The following CHODL variants were observed in gnomAD, a reference collection of about 807,000 sequenced individuals.
The protein encoded by CHODL is chondrolectin.
CHODL carries 29 observed loss-of-function variants against 34.5 expected under a neutral mutation model. The ratio of observed to expected loss-of-function variants is 0.84; its 90% CI spans 0.63 to 1.15. CHODL has a LOEUF of 1.15. Among genes scored for constraint, CHODL ranks in the 50% most tolerant of loss-of-function variants. The probability of loss-of-function intolerance (pLI) is 0.00; values close to 1 mark genes in which losing one functional copy is unlikely to be tolerated. For synonymous variants in CHODL, 125 were observed against 116.1 expected (o/e 1.08, Z -0.49); for missense variants, 332 against 332.5 (o/e 1.00, Z 0.01).
At chr21:17,947,931 G>C (rs544840143) in intron 1 of CHODL, among the ~76,000 whole-genome samples, 1 of 152,226 alleles carries the variant, frequency 6.6e-6, no homozygotes, top group South Asian at 2.1e-4. Flanking sequence ...ATTGGATAAA[G>C]AAAATGTGGC....
chr21:18,016,490 A>C (rs894220106), intron 1 of CHODL, among the ~76,000 whole-genome samples: 3 of 152,206 alleles, frequency 2.0e-5, no homozygotes, highest in Admixed American at 6.5e-5. Context: ...ATGGGCCAGG[A>C]CCAGGCCCAA....
At chr21:18,190,634 G>A (rs2146690714) in intron 2 of CHODL, among the ~76,000 whole-genome samples, 1 of 152,284 alleles carries the variant, frequency 6.6e-6, no homozygotes, top group Admixed American at 6.5e-5. Flanking sequence ...CCCACTAATG[G>A]TAGTGTGTAC....
intron 2 of CHODL, among the ~76,000 whole-genome samples, chr21:18,104,121 C>T (rs1051400428): frequency 6.6e-6 from 1 of 152,158 alleles, no homozygotes; most frequent in Non-Finnish European, 1.5e-5. Context: ...AGGTGGGAAA[C>T]ACTGAAGTAA....
At chr21:18,214,437 G>A (rs921074508) in intron 2 of CHODL, among the ~76,000 whole-genome samples, 1 of 151,970 alleles carries the variant, frequency 6.6e-6, no homozygotes, top group Admixed American at 6.6e-5. Context: ...AGCACCTAGC[G>A]AAATTCTTCC....
chr21:18,251,458 TTTTA>T (rs1219768391), intron 1 of CHODL, among the ~76,000 whole-genome samples: 5 of 113,366 alleles, frequency 4.4e-5, no homozygotes, highest in African/African-American at 2.1e-4. Context: ...TACATATTTA[TTTTA>T]TTTATTTTAA....
chr21:18,152,426 G>A (rs549437149), intron 2 of CHODL, among the ~76,000 whole-genome samples: 4 of 152,252 alleles, frequency 2.6e-5, no homozygotes, highest in African/African-American at 9.6e-5. Context: ...AGGACCTCAC[G>A]AGGCTCAACT....
chr21:18,230,421 T>C (rs1463321562), intron 2 of CHODL, among the ~76,000 whole-genome samples: 1 of 152,128 alleles, frequency 6.6e-6, no homozygotes, highest in East Asian at 1.9e-4. Flanking sequence ...TGTTGTGAAA[T>C]TGTGATTTTT....
intron 2 of CHODL, among the ~76,000 whole-genome samples, chr21:18,163,094 T>C (rs905133069): frequency 6.6e-6 from 1 of 152,234 alleles, no homozygotes; most frequent in African/African-American, 2.4e-5. Context: ...CTAGAGTGTT[T>C]ACAGTTTGGG....
chr21:18,003,982 G>A (rs2063936077), intron 1 of CHODL, among the ~76,000 whole-genome samples: 1 of 152,148 alleles, frequency 6.6e-6, no homozygotes, highest in African/African-American at 2.4e-5. Flanking sequence ...GTAGGAAAAG[G>A]CAAAAACAAG....
intron 2 of CHODL, among the ~76,000 whole-genome samples, chr21:18,129,884 G>C (rs1225882519): frequency 7.9e-5 from 10 of 127,088 alleles, no homozygotes; most frequent in Non-Finnish European, 1.5e-4. Context: ...CTCTCTCTCT[G>C]TCTTTCTCTG....
chr21:18,135,849 C>A (rs1220154139), intron 2 of CHODL, among the ~76,000 whole-genome samples: 1 of 152,026 alleles, frequency 6.6e-6, no homozygotes, highest in Non-Finnish European at 1.5e-5. Context: ...TGGCTCATGC[C>A]TGTAATTTCA....
intron 2 of CHODL, among the ~76,000 whole-genome samples, chr21:18,140,129 G>C (rs1278379256): frequency 1.3e-5 from 2 of 152,114 alleles, no homozygotes; most frequent in Non-Finnish European, 2.9e-5. Flanking sequence ...TCTAGGAAGA[G>C]AACATCTTTT....
chr21:17,938,978 C>G (rs1385650846), intron 1 of CHODL, among the ~76,000 whole-genome samples: 1 of 152,150 alleles, frequency 6.6e-6, no homozygotes. Context: ...TATCCCTACA[C>G]TATTCTGAAA....
chr21:18,205,220 G>T (rs540041503), intron 2 of CHODL, among the ~76,000 whole-genome samples: 8 of 152,286 alleles, frequency 5.3e-5, no homozygotes, highest in African/African-American at 1.9e-4. Flanking sequence ...ACTAGCTGTG[G>T]ATCTGTTGTA....
intron 2 of CHODL, among the ~76,000 whole-genome samples, chr21:18,203,443 T>C (rs1447986888): frequency 6.6e-6 from 1 of 152,176 alleles, no homozygotes; most frequent in Admixed American, 6.5e-5. Flanking sequence ...TTCTTCTAAG[T>C]TGCATTTAAA....
At chr21:18,122,506 C>G (rs916715775) in intron 2 of CHODL, among the ~76,000 whole-genome samples, 2 of 151,488 alleles carry the variant, frequency 1.3e-5, no homozygotes, top group Non-Finnish European at 2.9e-5. Context: ...TGTCTGGCAC[C>G]TAAAAAACAA....
chr21:17,968,152 C>T (rs1053841711), intron 1 of CHODL, among the ~76,000 whole-genome samples: 11 of 152,186 alleles, frequency 7.2e-5, no homozygotes, highest in African/African-American at 2.7e-4. Flanking sequence ...GCTTTGGCAA[C>T]TGTGTGTCTT....
intron 2 of CHODL, among the ~76,000 whole-genome samples, chr21:18,136,181 T>G (rs1837838105): frequency 6.6e-6 from 1 of 152,124 alleles, no homozygotes; most frequent in South Asian, 2.1e-4. Context: ...AGCATTTGTT[T>G]TTTGTATGTT....
chr21:18,239,751 T>A (rs2074063974), intron 2 of CHODL, among the ~76,000 whole-genome samples: 1 of 152,070 alleles, frequency 6.6e-6, no homozygotes, highest in African/African-American at 2.4e-5. Context: ...GCCCTCAATT[T>A]TATTTTGCTT....
Sources: gnomAD v4.1 joint callset for allele counts (sites outside exome capture counted in the v4.1 genomes callset) on GRCh38, gnomAD v4.1.1 for gene constraint, MANE v1.5 for transcripts, NCBI Gene and HGNC (gene_info 2026-07-23, HGNC 2026-07-21) for gene names.